Variants in ATXN1 observed in about 807,000 individuals in gnomAD.
ATXN1 encodes the protein ataxin 1.
Under a neutral mutation model 56.4 loss-of-function variants are expected in ATXN1, and 8 were observed. That is an observed-to-expected ratio of 0.14 (90% CI 0.08 to 0.26). The LOEUF (loss-of-function observed/expected upper bound fraction) is 0.26, where lower values mean the gene tolerates loss of function less well. Among genes scored for constraint, ATXN1 ranks in the 10% least tolerant of loss-of-function variants. ATXN1 has a pLI of 1.00. For missense variants in ATXN1, 987 were observed against 1,106.5 expected (o/e 0.89, Z 1.53); for synonymous variants, 514 against 494.6 (o/e 1.04, Z -0.52).
intron 4 of ATXN1, among the ~76,000 whole-genome samples, chr6:16,563,643 T>A (rs1762161227): frequency 6.6e-6 from 1 of 151,446 alleles, no homozygotes; most frequent in African/African-American, 2.4e-5. Context: ...AGGTCCAAGT[T>A]GGGGGGTGTG....
intron 2 of ATXN1, among the ~76,000 whole-genome samples, chr6:16,733,040 A>G (rs1238447380): frequency 6.6e-6 from 1 of 152,186 alleles, no homozygotes; most frequent in African/African-American, 2.4e-5. Context: ...ATATTTTCCA[A>G]CCGATGAAAG....
intron 3 of ATXN1, among the ~76,000 whole-genome samples, chr6:16,647,967 T>G (rs1359037200): frequency 6.6e-6 from 1 of 151,988 alleles, no homozygotes; most frequent in Non-Finnish European, 1.5e-5. Flanking sequence ...TCCCAGCTAC[T>G]TGGGAGGCTG....
chr6:16,453,019 G>T (rs115956999), intron 6 of ATXN1, among the ~76,000 whole-genome samples: 1 of 152,130 alleles, frequency 6.6e-6, no homozygotes, highest in Non-Finnish European at 1.5e-5. Context: ...CATGCTAGTC[G>T]AAAGTGATTT....
intron 2 of ATXN1, among the ~76,000 whole-genome samples, chr6:16,674,184 CTAT>C (rs904586096): frequency 1.3e-5 from 2 of 152,122 alleles, no homozygotes; most frequent in African/African-American, 4.8e-5. Flanking sequence ...AATGGCCCCA[CTAT>C]ACTTATTCCC....
chr6:16,521,971 A>G (rs1761302253), intron 5 of ATXN1, among the ~76,000 whole-genome samples: 3 of 152,218 alleles, frequency 2.0e-5, no homozygotes, highest in South Asian at 4.1e-4. Flanking sequence ...AGGGGTGATC[A>G]TTATTAGATT....
chr6:16,720,983 A>C (rs1759734242), intron 2 of ATXN1, among the ~76,000 whole-genome samples: 1 of 152,236 alleles, frequency 6.6e-6, no homozygotes, highest in South Asian at 2.1e-4. Context: ...CACATTTTGC[A>C]AACTGTCAAG....
chr6:16,440,649 A>AAAAAAAAAAAGAAAAG (rs56105499), intron 6 of ATXN1, among the ~76,000 whole-genome samples: 1 of 113,660 alleles, frequency 8.8e-6, no homozygotes, highest in Non-Finnish European at 1.8e-5. Flanking sequence ...TTAAAAAAAA[A>AAAAAAAAAAAGAAAAG]AAAGAAAAGA....
At chr6:16,541,522 CAGA>C (rs1332335537) in intron 4 of ATXN1, among the ~76,000 whole-genome samples, 3 of 152,326 alleles carry the variant, frequency 2.0e-5, no homozygotes, top group East Asian at 1.9e-4. Context: ...CCAGCCAGGG[CAGA>C]AGAAGTCAAA....
chr6:16,620,457 C>T (rs191516413), intron 3 of ATXN1, among the ~76,000 whole-genome samples: 1 of 151,592 alleles, frequency 6.6e-6, no homozygotes, highest in African/African-American at 2.4e-5. Flanking sequence ...TTCCTTAGGA[C>T]AAATTTCTCT....
rs535144127 is a variant in ATXN1 at position 16,732,484 on chromosome 6, T to C, written c.-615+20749A>G. 1.6e-3 allele frequency among the ~76,000 whole-genome samples: 247 copies of C among 152,136 alleles called. 2 individuals carry two copies. Among genetic ancestry groups the C allele is most frequent in the African/African-American group, 5.5e-3 (227 of 41,482 alleles). On this transcript the variant is annotated intron_variant, in intron 2 of 7. Coordinates refer to ENST00000436367, the MANE Select transcript of ATXN1 (RefSeq NM_001128164.2). Reference sequence around the variant, plus strand: ...TACTTTGGAGGCTGAGGCAGGAGAATTGCTTGAACTCAGGAGGCAGAGGTT... The same window carrying C: ...TACTTTGGAGGCTGAGGCAGGAGAACTGCTTGAACTCAGGAGGCAGAGGTT...
chr6:16,380,255 C>T (rs905657145), intron 6 of ATXN1, among the ~76,000 whole-genome samples: 10 of 152,208 alleles, frequency 6.6e-5, no homozygotes, highest in African/African-American at 2.4e-4. Context: ...AACAGAGACT[C>T]TCCTAGTCAT....
At chr6:16,447,759 T>C (rs1438393614) in intron 6 of ATXN1, among the ~76,000 whole-genome samples, 2 of 152,234 alleles carry the variant, frequency 1.3e-5, no homozygotes, top group Admixed American at 1.3e-4. Flanking sequence ...AGAAGCTTTA[T>C]ATAGGATTTC....
At position 16,338,105 on chromosome 6, in the gene ATXN1, A is replaced by G. The variant is rs576783987; in HGVS notation, c.-160-9635T>C. On this transcript the variant is annotated intron_variant, in intron 6 of 7. Transcript: ENST00000436367. ...TTCCACTGCTATTACTACTAAGGAC[A>G]CACAGAATTGTAGTTAGAGTGGGCT... Among the ~76,000 whole-genome samples, 22 of 152,366 alleles carry G rather than the reference A, an allele frequency of 1.4e-4. No individual in the cohort carries two copies. The East Asian group carries it at 4.2e-3, about 29-fold the overall frequency.
intron 2 of ATXN1, among the ~76,000 whole-genome samples, chr6:16,676,594 C>T (rs778924212): frequency 6.6e-6 from 1 of 152,076 alleles, no homozygotes; most frequent in African/African-American, 2.4e-5. Context: ...AATAAACAAA[C>T]AATGGCAGAG....
intron 3 of ATXN1, among the ~76,000 whole-genome samples, chr6:16,613,640 T>C (rs1254649961): frequency 1.3e-5 from 2 of 151,880 alleles, no homozygotes; most frequent in Non-Finnish European, 1.5e-5. Context: ...CTGAGCAATA[T>C]AGTGAGACCC....
At chr6:16,445,696 C>T (rs1759620234) in intron 6 of ATXN1, among the ~76,000 whole-genome samples, 1 of 125,596 alleles carries the variant, frequency 8.0e-6, no homozygotes, top group Middle Eastern at 3.7e-3. Context: ...ACAACAGTCC[C>T]CAGAGTGTGA....
chr6:16,578,285 A>T (rs913870280), intron 4 of ATXN1, among the ~76,000 whole-genome samples: 3 of 152,132 alleles, frequency 2.0e-5, no homozygotes, highest in Non-Finnish European at 2.9e-5. Context: ...TTATCTGAGG[A>T]TCTGAGGATT....
At chr6:16,523,329 G>A (rs1040803197) in intron 4 of ATXN1, among the ~76,000 whole-genome samples, 3 of 152,204 alleles carry the variant, frequency 2.0e-5, no homozygotes, top group Non-Finnish European at 4.4e-5. Flanking sequence ...ACATGGCTGT[G>A]AGTGGCAGAG....
rs569373676 is a variant in ATXN1, at chr6:16,533,204, G to T, written c.-360-10516C>A. ...TACACTTAAAAATGGGAAAAATGAT[G>T]AATTTTATCACAATAAAAAGAAGAA... On this transcript the variant is annotated intron_variant, in intron 4 of 7. Transcript: ENST00000436367. Among the ~76,000 whole-genome samples, 4 of 152,242 alleles carry T rather than the reference G, an allele frequency of 2.6e-5. No homozygotes were observed. In the East Asian group the frequency reaches 7.7e-4, roughly 29 times the overall value.
Sources: allele counts gnomAD v4.1 joint callset (sites outside exome capture counted in the v4.1 genomes callset), GRCh38; gene constraint gnomAD v4.1.1; transcripts MANE v1.5; gene names NCBI Gene and HGNC (gene_info 2026-07-23, HGNC 2026-07-21).